Variants in SPTBN4 observed in about 807,000 individuals in gnomAD.
SPTBN4 encodes spectrin beta chain, non-erythrocytic 4.
A neutral mutation model predicts 277.8 loss-of-function variants in SPTBN4; 96 were observed. That is an observed-to-expected ratio of 0.35 (90% confidence interval 0.29 to 0.41). The LOEUF (loss-of-function observed/expected upper bound fraction) is 0.41, where lower values mean the gene tolerates loss of function less well. Among genes scored for constraint, SPTBN4 ranks in the 10% least tolerant of loss-of-function variants. SPTBN4 has a pLI of 1.00. For synonymous variants in SPTBN4, 1,481 were observed against 1,580.3 expected, an observed-to-expected ratio of 0.94 and a Z score of 1.49; for missense variants, 3,006 against 3,595.7, an observed-to-expected ratio of 0.84 and a Z score of 4.19.
chr19:40,493,145 C>T (rs925929451), intron 5 of SPTBN4, 91 bp downstream of exon 5: 5 of 1,225,588 alleles, frequency 4.1e-6, no homozygotes, highest in Non-Finnish European at 5.9e-6. Flanking sequence ...AAGGGGCAGC[C>T]CATGTCCTCA....
At chr19:40,573,571 C>T (rs1218474361) in intron 35 of SPTBN4, among the ~76,000 whole-genome samples, 2 of 152,242 alleles carry the variant, frequency 1.3e-5, no homozygotes, top group Non-Finnish European at 2.9e-5. Context: ...TGGCTTACGC[C>T]TGTAATCCCA....
At chr19:40,504,921 G>C (rs2080308169) in intron 12 of SPTBN4, among the ~76,000 whole-genome samples, 1 of 152,060 alleles carries the variant, frequency 6.6e-6, no homozygotes, top group Non-Finnish European at 1.5e-5. Context: ...TGCAGACAGA[G>C]AGATAGTGAC....
In SPTBN4 at chr19:40,519,637, TGCTGGCTGAGCGCTTCCC is replaced by T; in HGVS notation, c.3142_3159del (p.Leu1048_Pro1053del). The T allele has an allele frequency of 7.0e-7, 1 of 1,420,028 alleles. No individual in the cohort carries two copies. The highest frequency in any genetic ancestry group is 9.1e-7 in the Non-Finnish European group (1 of 1,099,194). 88.0% of individuals were successfully genotyped at this position (1,420,028 alleles called of 1,614,324 possible). Reference sequence around the variant, plus strand: ...GCGGCCCTTCTGGAGGAGGCAGCCCTGCTGGCTGAGCGCTTCCCGGCGCAGGCGGCGCGGCTGCACCAG... The same window carrying T: ...GCGGCCCTTCTGGAGGAGGCAGCCCTGGCGCAGGCGGCGCGGCTGCACCAG... On this transcript the variant is annotated inframe_deletion, in exon 16 of 36. Transcript: ENST00000598249. The surrounding 1 kb of genome is among the most constrained non-coding windows in gnomAD (Gnocchi z 5.7).
intron 2 of SPTBN4, among the ~76,000 whole-genome samples, chr19:40,486,676 G>A (rs2080075952): frequency 6.6e-6 from 1 of 151,674 alleles, no homozygotes; most frequent in African/African-American, 2.4e-5. Flanking sequence ...CCTGGCCTAT[G>A]GTGCAGCTAC....
chr19:40,489,106 G>A (rs1412657113), intron 3 of SPTBN4, among the ~76,000 whole-genome samples: 1 of 150,978 alleles, frequency 6.6e-6, no homozygotes, highest in Non-Finnish European at 1.5e-5. Flanking sequence ...GCTGAGGCAG[G>A]AGAATCGCTT....
chr19:40,479,962 C>T (rs904697159), intron 2 of SPTBN4, among the ~76,000 whole-genome samples: 2 of 151,238 alleles, frequency 1.3e-5, no homozygotes, highest in African/African-American at 4.8e-5. Context: ...TAAAAATTAG[C>T]TGGGTGGGGC....
intron 21 of SPTBN4, 78 bp downstream of exon 21, chr19:40,549,491 A>G: frequency 8.5e-7 from 1 of 1,177,376 alleles, no homozygotes; most frequent in Non-Finnish European, 1.1e-6. Flanking sequence ...GCGGGGCTGA[A>G]GATGGAGACG....
At chr19:40,510,045 A>G (rs970701483) in intron 13 of SPTBN4, among the ~76,000 whole-genome samples, 1 of 151,958 alleles carries the variant, frequency 6.6e-6, no homozygotes, top group African/African-American at 2.4e-5. Context: ...CAGAGGGGCC[A>G]GTGTGGGGAG....
chr19:40,498,300 C>T (rs2080223014), intron 7 of SPTBN4, among the ~76,000 whole-genome samples: 1 of 152,140 alleles, frequency 6.6e-6, no homozygotes, highest in Admixed American at 6.6e-5. Flanking sequence ...GTCTGGGAAC[C>T]TTATCAGAGC....
intron 20 of SPTBN4, among the ~76,000 whole-genome samples, chr19:40,548,639 C>G (rs964114287): frequency 1.3e-5 from 2 of 151,168 alleles, no homozygotes; most frequent in Non-Finnish European, 2.9e-5. Context: ...CACTTGAAGC[C>G]AGGAGGTGAA....
Position 40,515,870 on chromosome 19 carries a change from GCGCACACACACA to G in SPTBN4, c.2903+424_2903+435del, listed in dbSNP as rs1261835467. The stretch of plus-strand genomic sequence containing the variant: ...AAACCCCGTCTCTCTCTCTACGTGC[GCGCACACACACA>G]CACACACACACACACACAAAATATA... On this transcript the variant is annotated intron_variant, in intron 15 of 35. Transcript: ENST00000598249. This position sits in a 1 kb window ranked among gnomAD's most constrained non-coding sequence, Gnocchi z 4.1. 3.2e-5 allele frequency among the ~76,000 whole-genome samples: 4 copies of G among 124,042 alleles called. No homozygotes were observed. Among genetic ancestry groups the G allele is most frequent in the Non-Finnish European group, 6.6e-5 (4 of 60,888 alleles). 81.4% of individuals were successfully genotyped at this position (124,042 alleles called of 152,430 possible).
At chr19:40,512,479 G>T in intron 13 of SPTBN4, 127 bp from the exon 14 acceptor site, 1 of 1,247,516 alleles carries the variant, frequency 8.0e-7, no homozygotes. Flanking sequence ...GCTGCCTGGA[G>T]GAGGAGCCAC....
intron 17 of SPTBN4, among the ~76,000 whole-genome samples, chr19:40,526,717 T>C (rs960783836): frequency 2.6e-5 from 4 of 152,152 alleles, no homozygotes; most frequent in Admixed American, 2.6e-4. Context: ...TCTGAGTAGC[T>C]GGGACTAAAA....
intron 6 of SPTBN4, among the ~76,000 whole-genome samples, chr19:40,497,065 T>C (rs1599731435): frequency 2.8e-5 from 3 of 107,108 alleles, no homozygotes; most frequent in East Asian, 2.9e-4. Context: ...AGAGCGAGAC[T>C]CCATCTCAAA....
chr19:40,554,024 T>C lies in SPTBN4; in HGVS notation c.4675-123T>C. The C allele has an allele frequency of 9.9e-7, 1 of 1,007,054 alleles. No individual in the cohort carries two copies. The highest frequency in any genetic ancestry group is 1.4e-6 in the Non-Finnish European group (1 of 739,186). 62.4% of individuals were successfully genotyped at this position (1,007,054 alleles called of 1,614,324 possible). On this transcript the variant is annotated intron_variant, in intron 22 of 35. Transcript: ENST00000598249. The surrounding 1 kb of genome is among the most constrained non-coding windows in gnomAD (Gnocchi z 5.7). ...ATGTTTACATGGTCTTGGCACGTGGTTAGCGAGCTGGGGGTGCTTGTTAAT... is the reference window on the plus strand; with the variant it reads ...ATGTTTACATGGTCTTGGCACGTGGCTAGCGAGCTGGGGGTGCTTGTTAAT...
chr19:40,566,423 T>C, intron 30 of SPTBN4, 64 bp downstream of exon 30: 1 of 1,378,598 alleles, frequency 7.3e-7, no homozygotes, highest in Non-Finnish European at 9.6e-7. Context: ...CCCATGGCTC[T>C]ATATGAGACA....
chr19:40,566,058 C>CG (rs995975558), intron 29 of SPTBN4, 105 bp from the exon 30 acceptor site: 2 of 1,231,646 alleles, frequency 1.6e-6, no homozygotes, highest in African/African-American at 3.1e-5. Flanking sequence ...GGTCAGGGCT[C>CG]GGGTATGGAA....
intron 20 of SPTBN4, among the ~76,000 whole-genome samples, chr19:40,537,566 C>T (rs769412386): frequency 1.3e-5 from 2 of 152,188 alleles, no homozygotes; most frequent in Admixed American, 1.3e-4. Flanking sequence ...CTGATGTACA[C>T]AATGTGCTGG....
At chr19:40,469,580 G>T (rs556679015) in intron 1 of SPTBN4, among the ~76,000 whole-genome samples, 3 of 151,686 alleles carry the variant, frequency 2.0e-5, no homozygotes, top group South Asian at 2.1e-4. Flanking sequence ...TTAGAATCAG[G>T]CCTGGGGGCC....
Sources: gnomAD v4.1 joint callset for allele counts (sites outside exome capture counted in the v4.1 genomes callset) on GRCh38, gnomAD v4.1.1 for gene constraint, Gnocchi (gnomAD v3.1) non-coding constraint, MANE v1.5 for transcripts, NCBI Gene and HGNC (gene_info 2026-07-23, HGNC 2026-07-21) for gene names.